IGF1R: variants seen among roughly 807,000 people sequenced by gnomAD.
IGF1R encodes insulin like growth factor 1 receptor.
A neutral mutation model predicts 144.6 loss-of-function variants in IGF1R; 44 were observed. That is an observed-to-expected ratio of 0.30 (90% confidence interval 0.24 to 0.39). IGF1R has a LOEUF of 0.39. Ranked by LOEUF, IGF1R falls within the 10% of genes least tolerant of loss-of-function variation. The pLI, the probability that IGF1R is intolerant of heterozygous loss-of-function variation, is 1.00. For missense variants in IGF1R, 1,355 were observed against 1,833.7 expected, an observed-to-expected ratio of 0.74 and a Z score of 4.77; for synonymous variants, 795 against 722.8, an observed-to-expected ratio of 1.10 and a Z score of -1.60.
chr15:98,909,261 C>CTTTTTTTTTTTTTTTTTTT (rs752298130), intron 6 of IGF1R, among the ~76,000 whole-genome samples: 1 of 91,758 alleles, frequency 1.1e-5, no homozygotes, highest in Non-Finnish European at 2.1e-5. Context: ...CTTTTTTTTT[C>CTTTTTTTTTTTTTTTTTTT]TTTTTTTTTT....
chr15:98,902,580 G>A (rs1025878579), intron 5 of IGF1R, among the ~76,000 whole-genome samples: 1 of 125,248 alleles, frequency 8.0e-6, no homozygotes, highest in African/African-American at 3.0e-5. Context: ...ACCACGCCCG[G>A]CTTATTTTTG....
rs1352502155 is a variant in IGF1R at position 98,911,365 on chromosome 15, A to T, written c.1513A>T (p.Ile505Phe). The part of the protein sequence containing the change: ...FTSTTTSKNR[I>F]IITWHRYRPP... ...CTCCACCACCACGTCGAAGAATCGC[A>T]TCATCATAACCTGGCACCGGTACCG... The change falls in exon 7 of 21, where the codon ATC becomes TTC. Residue 505 changes from isoleucine to phenylalanine, a missense_variant. Physicochemically the swap from Ile to Phe is conservative, Grantham distance 21. Coordinates refer to ENST00000650285, the MANE Select transcript of IGF1R (RefSeq NM_000875.5). The T allele has an allele frequency of 6.2e-7, 1 of 1,614,028 alleles. No homozygotes were observed. The highest frequency in any genetic ancestry group is 8.5e-7 in the Non-Finnish European group (1 of 1,180,018).
intron 13 of IGF1R, 77 bp downstream of exon 13, chr15:98,924,761 C>T (rs763277692): frequency 3.9e-6 from 5 of 1,282,574 alleles, no homozygotes; most frequent in Non-Finnish European, 5.7e-6. Flanking sequence ...CCCGAGTGTT[C>T]ATGGCTGTCT....
chr15:98,769,536 T>C (rs2055530088), intron 2 of IGF1R, among the ~76,000 whole-genome samples: 1 of 152,206 alleles, frequency 6.6e-6, no homozygotes, highest in South Asian at 2.1e-4. Flanking sequence ...TGTCATTCTT[T>C]TAGACTTGGT....
chr15:98,773,463 T>A (rs1311579254), intron 2 of IGF1R, among the ~76,000 whole-genome samples: 1 of 152,206 alleles, frequency 6.6e-6, no homozygotes, highest in East Asian at 1.9e-4. Flanking sequence ...TCAAGAAGTA[T>A]GTGCAGTTTC....
At chr15:98,897,906 G>A (rs955414314) in intron 4 of IGF1R, among the ~76,000 whole-genome samples, 2 of 150,716 alleles carry the variant, frequency 1.3e-5, no homozygotes, top group Admixed American at 6.7e-5. Flanking sequence ...TTTGGGGGGG[G>A]AATCCTTTTA....
In IGF1R at chr15:98,913,264, A is replaced by T; in HGVS notation, c.1810A>T (p.Ile604Phe). The T allele has an allele frequency of 6.2e-7, 1 of 1,613,734 alleles. No individual in the cohort carries two copies. Among genetic ancestry groups the T allele is most frequent in the Non-Finnish European group, 8.5e-7 (1 of 1,179,640 alleles). Residue 604 changes from isoleucine to phenylalanine, a missense_variant, in exon 8 of 21, where the codon ATT becomes TTT. Physicochemically the swap from Ile to Phe is conservative, Grantham distance 21. This residue lies in a region of IGF1R where 880 missense variants were observed against 1,202.7 expected (regional missense o/e 0.73). Transcript: ENST00000650285. The stretch of plus-strand genomic sequence containing the variant: ...TGGGGCCAAGAGTGAGATCTTGTAC[A>T]TTCGCACCAATGCTTCAGGTATCCA... ...IRGAKSEILY[I>F]RTNASVPSIP...
At chr15:98,669,107 C>G (rs2052819780) in intron 1 of IGF1R, among the ~76,000 whole-genome samples, 2 of 152,214 alleles carry the variant, frequency 1.3e-5, no homozygotes, top group Non-Finnish European at 2.9e-5. Context: ...CAGTATCGAT[C>G]AAGCCTTCCT....
chr15:98,785,021 G>A (rs1433913852), intron 2 of IGF1R, among the ~76,000 whole-genome samples: 2 of 152,174 alleles, frequency 1.3e-5, no homozygotes, highest in African/African-American at 2.4e-5. Context: ...AGAAGTTCAT[G>A]TGTATATATA....
chr15:98,728,300 G>A (rs986983895), intron 2 of IGF1R, among the ~76,000 whole-genome samples: 4 of 152,132 alleles, frequency 2.6e-5, no homozygotes, highest in East Asian at 1.9e-4. Context: ...AAGGCTGGCC[G>A]GGCTGGGTGG....
At chr15:98,650,342 GT>G (rs758638790) in intron 1 of IGF1R, among the ~76,000 whole-genome samples, 2 of 152,214 alleles carry the variant, frequency 1.3e-5, no homozygotes, top group Non-Finnish European at 2.9e-5. Context: ...TCCTCGTTGG[GT>G]TACCTGCCCC....
At position 98,891,188 on chromosome 15, in the gene IGF1R, G is replaced by C; in HGVS notation, c.641-137G>C. 1.3e-6 allele frequency: 1 copy of C among 795,414 alleles called. No homozygotes were observed. Among genetic ancestry groups the C allele is most frequent in the South Asian group, 1.5e-5 (1 of 68,506 alleles). The allele number at this position is 795,414 out of a possible 1,614,324, so 49.3% of individuals were successfully genotyped here. ...GGTGGGGGTGAGGATTTCGTAGTGT[G>C]TTTTTGCATTGTCTCCTCAATGAGT... On this transcript the variant is annotated intron_variant, in intron 2 of 20. Transcript: ENST00000650285. The surrounding 1 kb of genome is among the most constrained non-coding windows in gnomAD (Gnocchi z 4.7).
chr15:98,784,035 C>T (rs997602197), intron 2 of IGF1R, among the ~76,000 whole-genome samples: 2 of 127,460 alleles, frequency 1.6e-5, no homozygotes, highest in East Asian at 2.4e-4. Context: ...AGTGCAATGG[C>T]GCAGTCTCAG....
chr15:98,869,654 C>G (rs972370631), intron 2 of IGF1R, among the ~76,000 whole-genome samples: 1 of 152,050 alleles, frequency 6.6e-6, no homozygotes, highest in Non-Finnish European at 1.5e-5. Context: ...AGGGTGGTCT[C>G]GAACTCCCAT....
intron 1 of IGF1R, among the ~76,000 whole-genome samples, chr15:98,692,808 G>C (rs578050097): frequency 6.8e-4 from 104 of 152,266 alleles, no homozygotes; most frequent in African/African-American, 2.3e-3. Flanking sequence ...TGATACATTG[G>C]TAAGAGCTGC....
intron 1 of IGF1R, among the ~76,000 whole-genome samples, chr15:98,692,767 T>G (rs1596193616): frequency 6.6e-6 from 1 of 152,144 alleles, no homozygotes; most frequent in African/African-American, 2.4e-5. Context: ...CATTTAAAAA[T>G]GGAGTTAGTG....
chr15:98,733,517 C>T (rs934283519), intron 2 of IGF1R, among the ~76,000 whole-genome samples: 11 of 151,962 alleles, frequency 7.2e-5, no homozygotes, highest in African/African-American at 2.4e-4. Context: ...TCCAAACCCC[C>T]ATGTGGTCCA....
In IGF1R at chr15:98,648,940, C is replaced by A; in HGVS notation, c.-642C>A. On this transcript the variant is annotated 5_prime_UTR_variant, in exon 1 of 21. Transcript: ENST00000650285. ...GCGGGAGTGCTGAGCGCGGCGCGGC[C>A]GGCCCGCCGCTTTGTGTGTGTCCTG... The A allele has an allele frequency of 5.4e-6, 1 of 185,024 alleles. No individual in the cohort carries two copies. Among genetic ancestry groups the A allele is most frequent in the South Asian group, 1.8e-4 (1 of 5,606 alleles). The allele number at this position is 185,024 out of a possible 1,614,324, so 11.5% of individuals were successfully genotyped here.
Position 98,963,214 on chromosome 15 carries a change from T to G in IGF1R, c.*5772T>G, listed in dbSNP as rs1371733743. ...TGTGCAAATGTGTGTTTGTGATCCATTTTTTTTTTTTTTTTTTAGGACACC... is the reference window on the plus strand; with the variant it reads ...TGTGCAAATGTGTGTTTGTGATCCAGTTTTTTTTTTTTTTTTTAGGACACC... On this transcript the variant is annotated 3_prime_UTR_variant, in exon 21 of 21. Coordinates refer to ENST00000650285, the MANE Select transcript of IGF1R (RefSeq NM_000875.5). 2.3e-3 allele frequency: 1 copy of G among 434 alleles called. No homozygotes were observed. Among genetic ancestry groups the G allele is most frequent in the South Asian group, 0.17 (1 of 6 alleles). The allele number at this position is 434 out of a possible 1,614,324, so 0.0% of individuals were successfully genotyped here.
Sources: gnomAD v4.1 joint callset for allele counts (sites outside exome capture counted in the v4.1 genomes callset) on GRCh38, gnomAD v4.1.1 for gene constraint, gnomAD v4.1.1 regional missense constraint, Gnocchi (gnomAD v3.1) non-coding constraint, MANE v1.5 for transcripts, NCBI Gene and HGNC (gene_info 2026-07-23, HGNC 2026-07-21) for gene names.